NCALD: variants seen among roughly 807,000 people sequenced by gnomAD.
The protein encoded by NCALD is neurocalcin delta.
In NCALD, 10 loss-of-function variants were observed where a neutral mutation model predicts 18.6. That is an observed-to-expected ratio of 0.54 (90% confidence interval 0.33 to 0.91). The LOEUF (loss-of-function observed/expected upper bound fraction) is 0.91. Among genes scored for constraint, NCALD ranks in the 40% least tolerant of loss-of-function variants. The pLI, the probability that NCALD is intolerant of heterozygous loss-of-function variation, is 0.03. For missense variants in NCALD, 184 were observed against 247.6 expected, an observed-to-expected ratio of 0.74 and a Z score of 1.72; for synonymous variants, 88 against 87.4, an observed-to-expected ratio of 1.01 and a Z score of -0.04.
intron 2 of NCALD, among the ~76,000 whole-genome samples, chr8:101,699,892 C>T (rs946053685): frequency 2.6e-5 from 4 of 151,900 alleles, no homozygotes; most frequent in Admixed American, 6.6e-5. Context: ...ACGTTCTGTG[C>T]GTGTATCCAA....
intron 4 of NCALD, among the ~76,000 whole-genome samples, chr8:101,833,616 T>TC: frequency 6.9e-6 from 1 of 145,662 alleles, no homozygotes; most frequent in East Asian, 1.9e-4. Flanking sequence ...TCTTGTTTTT[T>TC]TTTTTTTTTT....
intron 1 of NCALD, among the ~76,000 whole-genome samples, chr8:101,790,411 T>A (rs967668219): frequency 6.6e-6 from 1 of 152,236 alleles, no homozygotes; most frequent in Non-Finnish European, 1.5e-5. Flanking sequence ...TTGCTAAATA[T>A]GAATGCTGCA....
chr8:101,734,154 C>T (rs888216771), intron 1 of NCALD, among the ~76,000 whole-genome samples: 2 of 152,168 alleles, frequency 1.3e-5, no homozygotes, highest in Non-Finnish European at 2.9e-5. Flanking sequence ...GTGACCTCTG[C>T]CTCTGCTCCA....
intron 2 of NCALD, chr8:101,975,357 C>A (rs1019780059): frequency 6.6e-6 from 1 of 152,296 alleles, no homozygotes; most frequent in Non-Finnish European, 1.5e-5. Context: ...AGCTGTTGAA[C>A]TATGGCTCTC....
intron 2 of NCALD, among the ~76,000 whole-genome samples, chr8:101,695,438 C>T (rs780785279): frequency 1.3e-5 from 2 of 152,086 alleles, no homozygotes; most frequent in Non-Finnish European, 2.9e-5. Context: ...GAGGTGTCTC[C>T]CAGCTCAGAT....
At chr8:102,026,257 C>A (rs1822451401) in intron 1 of NCALD, among the ~76,000 whole-genome samples, 1 of 152,166 alleles carries the variant, frequency 6.6e-6, no homozygotes, top group African/African-American at 2.4e-5. Flanking sequence ...TTCATTCTAG[C>A]ATTAACCCAA....
In NCALD at chr8:101,994,455, C is replaced by G. The variant is rs114581147; in HGVS notation, c.-157+25782G>C. ...TTCCTGAATGAAGTGTCACAGCCTT[C>G]TCTTCCTGATCCATCCAGAGATATC... On this transcript the variant is annotated intron_variant, in intron 2 of 6. Coordinates refer to the NCALD transcript ENST00000311028. Among the ~76,000 whole-genome samples the G allele has an allele frequency of 7.5e-3, 1,149 of 152,332 alleles. 14 individuals carry two copies. The highest frequency in any genetic ancestry group is 0.023 in the African/African-American group (949 of 41,568).
intron 1 of NCALD, among the ~76,000 whole-genome samples, chr8:102,100,776 T>A (rs1825250639): frequency 1.3e-5 from 2 of 152,180 alleles, no homozygotes; most frequent in South Asian, 4.1e-4. Context: ...TTGAGGACAT[T>A]ATGGTAAGTG....
At chr8:101,939,283 C>T (rs1194312274) in intron 2 of NCALD, among the ~76,000 whole-genome samples, 1 of 152,136 alleles carries the variant, frequency 6.6e-6, no homozygotes, top group African/African-American at 2.4e-5. Flanking sequence ...TCTATTTTTT[C>T]AATGCTAGAG....
chr8:102,083,622 T>C (rs1353601954), intron 1 of NCALD, among the ~76,000 whole-genome samples: 1 of 152,190 alleles, frequency 6.6e-6, no homozygotes, highest in Non-Finnish European at 1.5e-5. Flanking sequence ...TCCATCCCTA[T>C]CCCCTCCCAG....
At chr8:102,090,549 G>A (rs1824892040) in intron 1 of NCALD, among the ~76,000 whole-genome samples, 3 of 152,108 alleles carry the variant, frequency 2.0e-5, no homozygotes, top group African/African-American at 7.2e-5. Flanking sequence ...AGGAGTTAAC[G>A]GCAGGGACTG....
chr8:101,845,097 G>T (rs1269095791), intron 4 of NCALD, among the ~76,000 whole-genome samples: 1 of 152,218 alleles, frequency 6.6e-6, no homozygotes, highest in African/African-American at 2.4e-5. Flanking sequence ...TGACTGTCTA[G>T]TTGGAAGGGA....
In NCALD at chr8:101,689,719, C is replaced by G. The variant is rs1309337631; in HGVS notation, c.485-313G>C. 5.3e-5 allele frequency among the ~76,000 whole-genome samples: 8 copies of G among 152,176 alleles called. No homozygotes were observed. Among genetic ancestry groups the G allele is most frequent in the Admixed American group, 5.2e-4 (8 of 15,284 alleles). ...GGTGGTGGATGATGCTGACTTGGTC[C>G]CTGACCTCCTGGCTCCAGGCGCCCT... On this transcript the variant is annotated intron_variant, in intron 3 of 3. Coordinates refer to ENST00000220931, the MANE Select transcript of NCALD (RefSeq NM_032041.3). The surrounding 1 kb of genome is among the most constrained non-coding windows in gnomAD (Gnocchi z 4.4).
intron 1 of NCALD, among the ~76,000 whole-genome samples, chr8:102,106,356 G>C (rs1464287696): frequency 6.6e-6 from 1 of 151,802 alleles, no homozygotes. Flanking sequence ...TTATAGGCGT[G>C]AGCCACCATA....
intron 4 of NCALD, among the ~76,000 whole-genome samples, chr8:101,810,736 C>T (rs907133065): frequency 6.6e-6 from 1 of 152,036 alleles, no homozygotes; most frequent in African/African-American, 2.4e-5. Context: ...TAAAAAAGCA[C>T]ACACCACATA....
chr8:101,689,431 T>G lies in NCALD; in HGVS notation c.485-25A>C, dbSNP rs751856927. On this transcript the variant is annotated intron_variant, in intron 3 of 3. Transcript: ENST00000220931. This position sits in a 1 kb window ranked among gnomAD's most constrained non-coding sequence, Gnocchi z 4.4. Reference sequence around the variant, plus strand: ...CCTAGGAAGCAAGAGGACAGGTGAGTGGTGGCTGGTGGCAGCTGCATGAGC... The same window carrying G: ...CCTAGGAAGCAAGAGGACAGGTGAGGGGTGGCTGGTGGCAGCTGCATGAGC... 1.3e-6 allele frequency: 2 copies of G among 1,549,468 alleles called. No individual in the cohort carries two copies. The highest frequency in any genetic ancestry group is 8.8e-7 in the Non-Finnish European group (1 of 1,137,094).
At position 102,000,759 on chromosome 8, in the gene NCALD, C is replaced by T. The variant is rs573351525; in HGVS notation, c.-157+19478G>A. Among the ~76,000 whole-genome samples the T allele has an allele frequency of 3.9e-5, 6 of 152,328 alleles. No homozygotes were observed. The South Asian group carries it at 8.3e-4, about 21-fold the overall frequency. On this transcript the variant is annotated intron_variant, in intron 2 of 6. Coordinates refer to the NCALD transcript ENST00000311028. ...GCAGCCTCTGCTGCTGATACCCAGG[C>T]AAACAGGGTCTGGAGTGGACCTCCG...
intron 4 of NCALD, among the ~76,000 whole-genome samples, chr8:101,824,052 C>A (rs1176772568): frequency 1.3e-5 from 2 of 152,170 alleles, no homozygotes; most frequent in East Asian, 3.8e-4. Flanking sequence ...TGTCGTGAAA[C>A]TTCTATATCC....
chr8:101,955,558 T>C (rs1208008757), intron 2 of NCALD, among the ~76,000 whole-genome samples: 1 of 152,222 alleles, frequency 6.6e-6, no homozygotes, highest in African/African-American at 2.4e-5. Context: ...GGAAATACAG[T>C]GTTTAACAAC....
Sources: allele counts gnomAD v4.1 joint callset (sites outside exome capture counted in the v4.1 genomes callset), GRCh38; gene constraint gnomAD v4.1.1; non-coding constraint Gnocchi (gnomAD v3.1); transcripts MANE v1.5; gene names NCBI Gene and HGNC (gene_info 2026-07-23, HGNC 2026-07-21).